The following BIN3 variants were observed in gnomAD, a reference collection of about 807,000 sequenced individuals.
BIN3 encodes the protein bridging integrator 3.
BIN3 carries 41 observed loss-of-function variants against 38.2 expected under a neutral mutation model. The ratio of observed to expected loss-of-function variants is 1.07; its 90% CI spans 0.84 to 1.39. The LOEUF (loss-of-function observed/expected upper bound fraction) is 1.39, where lower values mean the gene tolerates loss of function less well. Among genes scored for constraint, BIN3 ranks in the 40% most tolerant of loss-of-function variants. BIN3 has a pLI of 0.00. For missense variants in BIN3, 361 were observed against 324.3 expected, an observed-to-expected ratio of 1.11 and a Z score of -0.87; for synonymous variants, 145 against 122.6, an observed-to-expected ratio of 1.18 and a Z score of -1.21.
intron 6 of BIN3, 101 bp from the exon 7 acceptor site, chr8:22,624,464 G>C (rs114537598): frequency 7.5e-6 from 11 of 1,473,796 alleles, no homozygotes; most frequent in Non-Finnish European, 1.0e-5. Flanking sequence ...AGATGGGTCC[G>C]CTCTTGGAGG....
At chr8:22,649,810 ACAAC>A (rs1307912972) in intron 1 of BIN3, among the ~76,000 whole-genome samples, 1 of 94,306 alleles carries the variant, frequency 1.1e-5, no homozygotes, top group Non-Finnish European at 2.4e-5. Context: ...AACGCAAAGG[ACAAC>A]ACACACACAC....
chr8:22,655,163 T>C (rs1803016534), intron 1 of BIN3, among the ~76,000 whole-genome samples: 1 of 152,262 alleles, frequency 6.6e-6, no homozygotes. Context: ...TGTTGAGTTG[T>C]AAGAGTTCTT....
Position 22,654,723 on chromosome 8 carries a change from C to T in BIN3, c.9-9920G>A, listed in dbSNP as rs1803003988. Among the ~76,000 whole-genome samples the T allele has an allele frequency of 2.6e-5, 4 of 152,208 alleles. No individual in the cohort carries two copies. In the South Asian group the frequency reaches 8.3e-4, roughly 32 times the overall value. ...GTGTATGGATTTATATTTTGTTTAT[C>T]CACTTATCATTTGATGGACAATTGG... is the stretch of plus-strand genomic sequence containing the variant. On this transcript the variant is annotated intron_variant, in intron 1 of 8. Transcript: ENST00000276416.
At position 22,638,540 on chromosome 8, in the gene BIN3, G is replaced by T. The variant is rs373167676; in HGVS notation, c.58-1578C>A. ...AACAGACATGGGCCCTGGTGGTGGA[G>T]ATAAACAACTGCCAGATACAAATTT... On this transcript the variant is annotated intron_variant, in intron 2 of 8. Transcript: ENST00000276416. Among the ~76,000 whole-genome samples the T allele has an allele frequency of 6.8e-4, 104 of 152,332 alleles. 1 individual carries two copies. Among genetic ancestry groups the T allele is most frequent in the African/African-American group, 2.5e-3 (102 of 41,574 alleles).
intron 1 of BIN3, among the ~76,000 whole-genome samples, chr8:22,659,972 T>C (rs1295542133): frequency 2.0e-5 from 3 of 152,162 alleles, no homozygotes; most frequent in Non-Finnish European, 4.4e-5. Flanking sequence ...AGATTAAGTA[T>C]ACTCACCCCC....
chr8:22,638,005 C>T (rs973752804), intron 2 of BIN3, among the ~76,000 whole-genome samples: 1 of 152,196 alleles, frequency 6.6e-6, no homozygotes, highest in African/African-American at 2.4e-5. Context: ...GGAACCCAGG[C>T]AGCCTGGCTC....
At chr8:22,659,845 T>C (rs1394559773) in intron 1 of BIN3, among the ~76,000 whole-genome samples, 1 of 152,260 alleles carries the variant, frequency 6.6e-6, no homozygotes, top group African/African-American at 2.4e-5. Flanking sequence ...ACGAGTTTAA[T>C]GCTTAAAACA....
intron 4 of BIN3, among the ~76,000 whole-genome samples, chr8:22,633,636 C>G (rs1802278899): frequency 1.3e-5 from 2 of 152,232 alleles, no homozygotes; most frequent in Admixed American, 6.5e-5. Context: ...AGATTCCACG[C>G]TCAGGAAAAG....
At chr8:22,634,213 A>G (rs1802295084) in intron 4 of BIN3, among the ~76,000 whole-genome samples, 1 of 152,202 alleles carries the variant, frequency 6.6e-6, no homozygotes, top group Non-Finnish European at 1.5e-5. Context: ...CTCAGACCTG[A>G]AATAACTACA....
intron 5 of BIN3, among the ~76,000 whole-genome samples, 200 bp from the exon 6 acceptor site, chr8:22,630,204 G>A (rs952605414): frequency 2.0e-5 from 3 of 152,216 alleles, no homozygotes; most frequent in African/African-American, 4.8e-5. Flanking sequence ...CAGGACTGCC[G>A]CCGGCAACCC....
chr8:22,624,507 T>C (rs1801948771), intron 6 of BIN3, 144 bp from the exon 7 acceptor site: 2 of 1,135,558 alleles, frequency 1.8e-6, no homozygotes, highest in Admixed American at 2.6e-5. Flanking sequence ...TGTCCAAAAA[T>C]GTGCCCTGAG....
intron 6 of BIN3, chr8:22,625,637 G>A: frequency 1.8e-6 from 1 of 541,342 alleles, no homozygotes; most frequent in South Asian, 2.1e-5. Context: ...ACCCAGGCTG[G>A]AGTACAGTGG....
intron 1 of BIN3, among the ~76,000 whole-genome samples, chr8:22,660,821 A>G (rs1057439059): frequency 3.9e-5 from 6 of 152,342 alleles, no homozygotes; most frequent in African/African-American, 1.4e-4. Flanking sequence ...AAGCAACAAA[A>G]CAGTACAGAT....
chr8:22,633,197 T>C (rs1196301037), intron 4 of BIN3, among the ~76,000 whole-genome samples: 2 of 151,940 alleles, frequency 1.3e-5, no homozygotes, highest in East Asian at 3.9e-4. Flanking sequence ...TGGCTGGGCG[T>C]AGTGGCTCAT....
At position 22,624,271 on chromosome 8, in the gene BIN3, T is replaced by G. The variant is rs769465880; in HGVS notation, c.431A>C (p.Lys144Thr). Residue 144 changes from lysine to threonine, a missense_variant, in exon 7 of 9, where the codon AAG becomes ACG. By Grantham distance (78) the Lys-to-Thr change is moderately conservative. Coordinates refer to ENST00000276416, the MANE Select transcript of BIN3 (RefSeq NM_018688.6). ...DYRRLQAKVEKYEEKEKTGPV... is the reference protein window; with the variant it reads ...DYRRLQAKVETYEEKEKTGPV... ...CCCCGTCTTCTCCTTTTCCTCATACTTCTCCACCTTGGCCTGCAGCCTCCT... is the reference window on the plus strand; with the variant it reads ...CCCCGTCTTCTCCTTTTCCTCATACGTCTCCACCTTGGCCTGCAGCCTCCT... 1 of 1,613,968 alleles carries G rather than the reference T, an allele frequency of 6.2e-7. No individual in the cohort carries two copies. Among genetic ancestry groups the G allele is most frequent in the South Asian group, 1.1e-5 (1 of 91,076 alleles).
intron 2 of BIN3, 102 bp downstream of exon 2, chr8:22,644,652 TG>T: frequency 8.6e-7 from 1 of 1,164,154 alleles, no homozygotes; most frequent in Non-Finnish European, 1.3e-6. Flanking sequence ...CCCAGGTTGC[TG>T]TCTTCCCAGC....
chr8:22,661,299 T>C (rs1007814644), intron 1 of BIN3, among the ~76,000 whole-genome samples: 3 of 152,070 alleles, frequency 2.0e-5, no homozygotes, highest in Admixed American at 1.3e-4. Flanking sequence ...AAATATAGTA[T>C]TGCCTTATAG....
intron 6 of BIN3, chr8:22,625,678 C>G: frequency 2.6e-6 from 1 of 378,112 alleles, no homozygotes; most frequent in Admixed American, 3.6e-5. Context: ...GCCTCCACCT[C>G]CTGGGTTCCA....
rs138438527 is a variant in BIN3, at chr8:22,627,808, C to T, written c.338+2156G>A. 3.5e-3 allele frequency among the ~76,000 whole-genome samples: 534 copies of T among 152,348 alleles called. 5 individuals are homozygous for T. Among genetic ancestry groups the T allele is most frequent in the Middle Eastern group, 6.8e-3 (2 of 294 alleles). ...GGTGGGGGCAGGTCAGACAGCCCAC[C>T]GAGCATGCCCCGCTCCATGGTCCTG... is the stretch of plus-strand genomic sequence containing the variant. On this transcript the variant is annotated intron_variant, in intron 6 of 8. Transcript: ENST00000276416.
Sources: gnomAD v4.1 joint callset for allele counts (sites outside exome capture counted in the v4.1 genomes callset) on GRCh38, gnomAD v4.1.1 for gene constraint, MANE v1.5 for transcripts, NCBI Gene and HGNC (gene_info 2026-07-23, HGNC 2026-07-21) for gene names.